Variants in FLVCR2 observed in about 807,000 individuals in gnomAD.
FLVCR2 encodes FLVCR choline and putative heme transporter 2.
FLVCR2 carries 38 observed loss-of-function variants against 48.9 expected under a neutral mutation model. The ratio of observed to expected loss-of-function variants is 0.78; its 90% CI spans 0.60 to 1.02. The LOEUF is 1.02. Among genes scored for constraint, FLVCR2 ranks in the 50% least tolerant of loss-of-function variants. The probability of loss-of-function intolerance (pLI) is 0.00; values close to 1 mark genes in which losing one functional copy is unlikely to be tolerated. For synonymous variants in FLVCR2, 255 were observed against 257.0 expected, an observed-to-expected ratio of 0.99 and a Z score of 0.07; for missense variants, 664 against 663.3, an observed-to-expected ratio of 1.00 and a Z score of -0.01.
intron 3 of FLVCR2, among the ~76,000 whole-genome samples, chr14:75,626,889 G>C (rs1889913468): frequency 6.6e-6 from 1 of 151,900 alleles, no homozygotes. Flanking sequence ...GCCTACCTGG[G>C]ATTCTAGGGC....
chr14:75,581,804 T>G (rs1888616078), intron 1 of FLVCR2, among the ~76,000 whole-genome samples: 1 of 152,062 alleles, frequency 6.6e-6, no homozygotes, highest in East Asian at 1.9e-4. Context: ...TGAGGAGTAG[T>G]AGAATAGCAA....
intron 1 of FLVCR2, chr14:75,595,746 T>C (rs1325743930): frequency 1.5e-6 from 1 of 651,372 alleles, no homozygotes; most frequent in Non-Finnish European, 2.8e-6. Flanking sequence ...AAGTGTTTAG[T>C]TTATTAATAT....
chr14:75,608,011 A>G lies in FLVCR2; in HGVS notation c.670-14068A>G, dbSNP rs1218382276. On this transcript the variant is annotated intron_variant, in intron 1 of 9. Coordinates refer to ENST00000238667, the MANE Select transcript of FLVCR2 (RefSeq NM_017791.3). The stretch of plus-strand genomic sequence containing the variant: ...CTTGAGCCCAGGAGTTTGAGGTTAC[A>G]GTGAGCAGTAATTGCACCACTGCAC... Among the ~76,000 whole-genome samples the G allele has an allele frequency of 2.0e-5, 3 of 152,314 alleles. No homozygotes were observed. In the East Asian group the frequency reaches 5.8e-4, roughly 29 times the overall value.
chr14:75,583,549 G>A (rs1020338742), intron 1 of FLVCR2, among the ~76,000 whole-genome samples: 9 of 152,078 alleles, frequency 5.9e-5, no homozygotes, highest in Non-Finnish European at 7.4e-5. Context: ...AGAGGAAGAC[G>A]CGAAGGAGGC....
chr14:75,589,337 G>C (rs1005354224), intron 1 of FLVCR2, among the ~76,000 whole-genome samples: 2 of 152,184 alleles, frequency 1.3e-5, no homozygotes, highest in African/African-American at 4.8e-5. Flanking sequence ...AAGGGTAACT[G>C]GTCCCAATTA....
chr14:75,641,813 C>T (rs1490723224), intron 8 of FLVCR2, 30 bp from the exon 9 acceptor site: 2 of 1,599,756 alleles, frequency 1.3e-6, no homozygotes, highest in Non-Finnish European at 8.6e-7. Flanking sequence ...GTATTTTTGT[C>T]TCTCTTCCTT....
chr14:75,624,342 G>A (rs1392396726), intron 2 of FLVCR2, among the ~76,000 whole-genome samples: 1 of 151,178 alleles, frequency 6.6e-6, no homozygotes, highest in Admixed American at 6.6e-5. Context: ...GACAGAGCGA[G>A]ACTCCGTCTC....
chr14:75,579,767 G>A, intron 1 of FLVCR2, 126 bp downstream of exon 1: 4 of 1,045,150 alleles, frequency 3.8e-6, no homozygotes, highest in Non-Finnish European at 5.7e-6. Flanking sequence ...CAGTAACTGG[G>A]TGTGACAGGC....
chr14:75,621,978 G>A lies in FLVCR2; in HGVS notation c.670-101G>A. 3.3e-6 allele frequency: 4 copies of A among 1,214,596 alleles called. No individual in the cohort carries two copies. The South Asian group carries it at 4.8e-5, about 15-fold the overall frequency. The allele number at this position is 1,214,596 out of a possible 1,614,324, so 75.2% of individuals were successfully genotyped here. On this transcript the variant is annotated intron_variant, in intron 1 of 9. Transcript: ENST00000238667. ...CCCTGCATGGGTGTTAGGAAGGATT[G>A]GAAGTTGGAAATTAGATTTCTTATT...
chr14:75,594,782 T>G (rs1305423017), intron 1 of FLVCR2, among the ~76,000 whole-genome samples: 1 of 151,972 alleles, frequency 6.6e-6, no homozygotes, highest in Admixed American at 6.6e-5. Flanking sequence ...TACAGTAGCA[T>G]GAACACAGCT....
intron 1 of FLVCR2, among the ~76,000 whole-genome samples, chr14:75,582,030 G>A (rs1888621270): frequency 1.3e-5 from 2 of 152,180 alleles, no homozygotes; most frequent in South Asian, 2.1e-4. Context: ...TGGGAGAGTA[G>A]GTGGGAGTGA....
chr14:75,585,259 C>T (rs1287123142), intron 1 of FLVCR2, among the ~76,000 whole-genome samples: 1 of 152,132 alleles, frequency 6.6e-6, no homozygotes, highest in Admixed American at 6.5e-5. Context: ...TAAAAGAATG[C>T]CTGGATGTCA....
In FLVCR2 at chr14:75,586,524, T is replaced by C. The variant is rs566056327; in HGVS notation, c.669+6883T>C. The stretch of plus-strand genomic sequence containing the variant: ...ATCCCAGTTCTTCTCATTGGACTAT[T>C]TTCTCCTATCTATTAATTTCATTTA... On this transcript the variant is annotated intron_variant, in intron 1 of 9. Coordinates refer to ENST00000238667, the MANE Select transcript of FLVCR2 (RefSeq NM_017791.3). Among the ~76,000 whole-genome samples, 9 of 152,316 alleles carry C rather than the reference T, an allele frequency of 5.9e-5. No individual in the cohort carries two copies. In the East Asian group the frequency reaches 1.5e-3, roughly 26 times the overall value.
rs556111680 is a variant in FLVCR2 at position 75,591,489 on chromosome 14, G to A, written c.669+11848G>A. On this transcript the variant is annotated intron_variant, in intron 1 of 9. Transcript: ENST00000238667. ...TTTGCTGGACATAGCCCACATGGCTGTACTCACAGGTTGGAATCACATGGC... is the reference window on the plus strand; with the variant it reads ...TTTGCTGGACATAGCCCACATGGCTATACTCACAGGTTGGAATCACATGGC... Among the ~76,000 whole-genome samples the A allele has an allele frequency of 5.9e-5, 9 of 152,370 alleles. No individual in the cohort carries two copies. In the East Asian group the frequency reaches 1.7e-3, roughly 29 times the overall value.
intron 6 of FLVCR2, among the ~76,000 whole-genome samples, chr14:75,639,791 G>A (rs1377165502): frequency 6.6e-6 from 1 of 152,134 alleles, no homozygotes; most frequent in East Asian, 1.9e-4. Context: ...TCTGGGTCCT[G>A]GTCTCAGTTT....
At chr14:75,631,631 T>A (rs1387484281) in intron 3 of FLVCR2, 1 of 367,868 alleles carries the variant, frequency 2.7e-6, no homozygotes, top group African/African-American at 2.1e-5. Flanking sequence ...TAAGCCTGAG[T>A]TGGAACATTC....
intron 3 of FLVCR2, chr14:75,632,839 A>G (rs1238702865): frequency 4.3e-6 from 3 of 702,250 alleles, no homozygotes; most frequent in African/African-American, 1.7e-5. Flanking sequence ...TGACGATAAT[A>G]CTACCTACTT....
chr14:75,645,014 C>T (rs953122125), intron 9 of FLVCR2, among the ~76,000 whole-genome samples: 21 of 148,988 alleles, frequency 1.4e-4, no homozygotes, highest in African/African-American at 4.5e-4. Context: ...CAGGTGATGG[C>T]TTTGGAGGAG....
intron 8 of FLVCR2, among the ~76,000 whole-genome samples, 157 bp downstream of exon 8, chr14:75,641,450 G>A (rs1890307325): frequency 6.6e-6 from 1 of 152,164 alleles, no homozygotes; most frequent in African/African-American, 2.4e-5. Context: ...TTGGTAGAAT[G>A]AGCATGGGTT....
Sources: gnomAD v4.1 joint callset for allele counts (sites outside exome capture counted in the v4.1 genomes callset) on GRCh38, gnomAD v4.1.1 for gene constraint, MANE v1.5 for transcripts, NCBI Gene and HGNC (gene_info 2026-07-23, HGNC 2026-07-21) for gene names.